GRK5: variants seen among roughly 807,000 people sequenced by gnomAD.
GRK5 encodes g protein-coupled receptor kinase GRK5.
A neutral mutation model predicts 78.4 loss-of-function variants in GRK5; 40 were observed. The ratio of observed to expected loss-of-function variants is 0.51; its 90% CI spans 0.40 to 0.66. The LOEUF (loss-of-function observed/expected upper bound fraction) is 0.66, where lower values mean the gene tolerates loss of function less well. Among genes scored for constraint, GRK5 ranks in the 30% least tolerant of loss-of-function variants. The probability of loss-of-function intolerance (pLI) is 0.00; values close to 1 mark genes in which losing one functional copy is unlikely to be tolerated. For synonymous variants in GRK5, 289 were observed against 296.8 expected (o/e 0.97, Z 0.27); for missense variants, 598 against 759.9 (o/e 0.79, Z 2.50).
Position 119,442,065 on chromosome 10 carries a change from G to A in GRK5, c.1034G>A (p.Arg345Gln), listed in dbSNP as rs1414195283. 1.9e-6 allele frequency: 3 copies of A among 1,613,932 alleles called. No homozygotes were observed. Among genetic ancestry groups the A allele is most frequent in the South Asian group, 1.1e-5 (1 of 91,086 alleles). ...KIPEGDLIRG[R>Q]VGTVGYMAPE... Reference sequence around the variant, plus strand: ...CCCGAGGGAGACCTGATCCGCGGCCGGGTGGGCACTGTTGGCTACATGGGT... The same window carrying A: ...CCCGAGGGAGACCTGATCCGCGGCCAGGTGGGCACTGTTGGCTACATGGGT... The change falls in exon 11 of 16, where the codon CGG (arginine) becomes CAG (glutamine). Residue 345 changes from arginine to glutamine, a missense_variant. Transcript: ENST00000392870.
intron 4 of GRK5, among the ~76,000 whole-genome samples, chr10:119,414,321 A>C (rs1246623690): frequency 6.6e-6 from 1 of 152,210 alleles, no homozygotes; most frequent in Non-Finnish European, 1.5e-5. Flanking sequence ...ATGAGCGCGG[A>C]GCTCCTCAGT....
intron 1 of GRK5, among the ~76,000 whole-genome samples, chr10:119,317,974 T>C (rs945854199): frequency 6.6e-6 from 1 of 151,994 alleles, no homozygotes; most frequent in Non-Finnish European, 1.5e-5. Context: ...CCAGAGTGTC[T>C]GATTCTGTAG....
At chr10:119,215,952 G>A (rs1425611031) in intron 1 of GRK5, among the ~76,000 whole-genome samples, 1 of 152,202 alleles carries the variant, frequency 6.6e-6, no homozygotes, top group Non-Finnish European at 1.5e-5. Flanking sequence ...CATTTTTTCT[G>A]AGCTGGGAAG....
intron 4 of GRK5, among the ~76,000 whole-genome samples, chr10:119,401,488 C>G (rs557270240): frequency 6.6e-6 from 1 of 152,306 alleles, no homozygotes; most frequent in African/African-American, 2.4e-5. Flanking sequence ...AGGACGTGAG[C>G]TTTAGAGTCA....
chr10:119,420,882 G>T (rs111332942), intron 4 of GRK5, among the ~76,000 whole-genome samples: 161 of 152,254 alleles, frequency 1.1e-3, no homozygotes, highest in African/African-American at 3.6e-3. Flanking sequence ...AGTCCTGCCT[G>T]GCTTCATCTT....
chr10:119,347,366 A>C (rs1851113961), intron 2 of GRK5, among the ~76,000 whole-genome samples: 1 of 151,048 alleles, frequency 6.6e-6, no homozygotes, highest in Non-Finnish European at 1.5e-5. Context: ...TGTACATGCA[A>C]GTTTGTGCCC....
chr10:119,365,316 C>T (rs560181764), intron 2 of GRK5, among the ~76,000 whole-genome samples: 89 of 152,366 alleles, frequency 5.8e-4, no homozygotes, highest in African/African-American at 2.1e-3. Context: ...AATGAAAATG[C>T]ATGAGGCATG....
In GRK5 at chr10:119,454,956, A is replaced by T; in HGVS notation, c.1675-13A>T. The T allele has an allele frequency of 6.3e-7, 1 of 1,595,786 alleles. No homozygotes were observed. Among genetic ancestry groups the T allele is most frequent in the Non-Finnish European group, 8.6e-7 (1 of 1,164,208 alleles). The stretch of plus-strand genomic sequence containing the variant: ...TGTTCTCTCCACCCCGTCTCCCCCA[A>T]CCCCAACCCCAGCATCAGAACAATT... On this transcript the variant is annotated splice_polypyrimidine_tract_variant and intron_variant, in intron 15 of 15. Transcript: ENST00000392870.
chr10:119,260,238 T>C (rs1432175262), intron 1 of GRK5, among the ~76,000 whole-genome samples: 2 of 152,122 alleles, frequency 1.3e-5, no homozygotes, highest in Non-Finnish European at 2.9e-5. Flanking sequence ...CCTGACCTCG[T>C]GATCCACCCG....
intron 4 of GRK5, among the ~76,000 whole-genome samples, chr10:119,399,126 G>T (rs1852105161): frequency 6.6e-6 from 1 of 152,238 alleles, no homozygotes; most frequent in Non-Finnish European, 1.5e-5. Context: ...CATCAGCTCA[G>T]ACGGTTTTAC....
chr10:119,243,127 C>T (rs1032449701), intron 1 of GRK5, among the ~76,000 whole-genome samples: 3 of 152,140 alleles, frequency 2.0e-5, no homozygotes, highest in Non-Finnish European at 2.9e-5. Flanking sequence ...ATCCCAACTA[C>T]TCAGGAGGCT....
At chr10:119,447,024 G>C (rs529702405) in intron 12 of GRK5, among the ~76,000 whole-genome samples, 3 of 152,244 alleles carry the variant, frequency 2.0e-5, no homozygotes, top group Non-Finnish European at 2.9e-5. Flanking sequence ...CACCAACTGC[G>C]TACAGCTGCA....
At chr10:119,395,055 C>T (rs1053871177) in intron 3 of GRK5, among the ~76,000 whole-genome samples, 2 of 144,418 alleles carry the variant, frequency 1.4e-5, no homozygotes, top group Admixed American at 1.6e-4. Flanking sequence ...GCCCACGCGG[C>T]GCAGTGGGAA....
intron 12 of GRK5, 95 bp from the exon 13 acceptor site, chr10:119,448,028 G>T: frequency 7.1e-7 from 1 of 1,406,944 alleles, no homozygotes; most frequent in Non-Finnish European, 9.4e-7. Context: ...AGCGTGTCTT[G>T]GGTTCCTAGG....
chr10:119,442,563 TG>T (rs1226225031), intron 11 of GRK5, among the ~76,000 whole-genome samples: 2 of 152,242 alleles, frequency 1.3e-5, no homozygotes, highest in African/African-American at 4.8e-5. Context: ...ACCAGCGTCC[TG>T]GGGGTTGCAG....
intron 3 of GRK5, among the ~76,000 whole-genome samples, chr10:119,384,978 C>G (rs911638471): frequency 6.6e-6 from 1 of 152,116 alleles, no homozygotes; most frequent in African/African-American, 2.4e-5. Flanking sequence ...GCATTGGAGT[C>G]TTTGAAAAGG....
At chr10:119,225,487 G>A (rs1422155571) in intron 1 of GRK5, among the ~76,000 whole-genome samples, 1 of 152,052 alleles carries the variant, frequency 6.6e-6, no homozygotes, top group Non-Finnish European at 1.5e-5. Flanking sequence ...CACATACGGG[G>A]GAAGAGGTTG....
At position 119,253,844 on chromosome 10, in the gene GRK5, A is replaced by AGG. The variant is rs1056035981; in HGVS notation, c.52+45878_52+45879dup. ...TGGGTTCCTGGTGGTTCTTTGCCCC[A>AGG]GGGGTGTGTGTGTGTGTGTGTGTGT... is the stretch of plus-strand genomic sequence containing the variant. On this transcript the variant is annotated intron_variant, in intron 1 of 15. Coordinates refer to ENST00000392870, the MANE Select transcript of GRK5 (RefSeq NM_005308.3). This position sits in a 1 kb window ranked among gnomAD's most constrained non-coding sequence, Gnocchi z 5.7. 5.0e-5 allele frequency among the ~76,000 whole-genome samples: 3 copies of AGG among 60,502 alleles called. No individual in the cohort carries two copies. Among genetic ancestry groups the AGG allele is most frequent in the South Asian group, 7.5e-4 (1 of 1,330 alleles). The allele number at this position is 60,502 out of a possible 152,430, so 39.7% of individuals were successfully genotyped here. A position where few individuals can be genotyped will look rare whatever the true frequency, so the allele number is the denominator to read the frequency against.
chr10:119,394,410 G>GTA (rs1851980546), intron 3 of GRK5, among the ~76,000 whole-genome samples: 1 of 56,698 alleles, frequency 1.8e-5, no homozygotes, highest in African/African-American at 7.2e-5. Flanking sequence ...GTGGGCATGT[G>GTA]TGTGGGGGTG....
Sources: allele counts gnomAD v4.1 joint callset (sites outside exome capture counted in the v4.1 genomes callset), GRCh38; gene constraint gnomAD v4.1.1; non-coding constraint Gnocchi (gnomAD v3.1); transcripts MANE v1.5; gene names NCBI Gene and HGNC (gene_info 2026-07-23, HGNC 2026-07-21).